Variants in MTHFD2L observed in about 807,000 individuals in gnomAD.
The protein encoded by MTHFD2L is methylenetetrahydrofolate dehydrogenase (NADP+ dependent) 2 like, also known as bifunctional methylenetetrahydrofolate dehydrogenase/cyclohydrolase 2, mitochondrial.
In MTHFD2L, 29 loss-of-function variants were observed where a neutral mutation model predicts 34.9. The ratio of observed to expected loss-of-function variants is 0.83; its 90% CI spans 0.62 to 1.13. The LOEUF is 1.13. MTHFD2L is among the 50% of genes most tolerant of loss of function. The probability of loss-of-function intolerance (pLI) is 0.00; values close to 1 mark genes in which losing one functional copy is unlikely to be tolerated. For missense variants in MTHFD2L, 481 were observed against 446.5 expected (o/e 1.08, Z -0.70); for synonymous variants, 167 against 155.7 (o/e 1.07, Z -0.54).
At chr4:74,264,015 A>G (rs1744997716) in intron 6 of MTHFD2L, among the ~76,000 whole-genome samples, 1 of 152,064 alleles carries the variant, frequency 6.6e-6, no homozygotes, top group Non-Finnish European at 1.5e-5. Flanking sequence ...TCCATTCCTG[A>G]TAAAAAAAAA....
chr4:74,225,395 G>A lies in MTHFD2L; in HGVS notation c.805+1G>A. Reference sequence around the variant, plus strand: ...GCAGATATTATCATAGTTGCTGCAGGTAAGTCCTTAGTGACTGTTATTTTT... The same window carrying A: ...GCAGATATTATCATAGTTGCTGCAGATAAGTCCTTAGTGACTGTTATTTTT... On this transcript the variant is annotated splice_donor_variant, in intron 6 of 7. Transcript: ENST00000325278. LOFTEE classifies it high-confidence loss of function. 6.2e-7 allele frequency: 1 copy of A among 1,611,334 alleles called. No homozygotes were observed. Among genetic ancestry groups the A allele is most frequent in the Admixed American group, 1.7e-5 (1 of 59,858 alleles).
At chr4:74,271,996 T>C (rs1315505795) in intron 6 of MTHFD2L, among the ~76,000 whole-genome samples, 1 of 152,158 alleles carries the variant, frequency 6.6e-6, no homozygotes, top group Admixed American at 6.6e-5. Flanking sequence ...GCTGGATAGA[T>C]GTAGCCCCAA....
At chr4:74,187,761 C>T (rs1018084119) in intron 3 of MTHFD2L, among the ~76,000 whole-genome samples, 2 of 148,140 alleles carry the variant, frequency 1.4e-5, no homozygotes, top group African/African-American at 5.0e-5. Context: ...CACACACACA[C>T]ACACACACAC....
intron 6 of MTHFD2L, among the ~76,000 whole-genome samples, chr4:74,248,075 C>A (rs1220031253): frequency 1.3e-5 from 2 of 151,746 alleles, no homozygotes; most frequent in African/African-American, 2.4e-5. Context: ...CTCCTTGTAC[C>A]TCTGGTAGAA....
intron 6 of MTHFD2L, among the ~76,000 whole-genome samples, chr4:74,229,072 G>T (rs923172096): frequency 1.3e-5 from 2 of 152,170 alleles, no homozygotes; most frequent in East Asian, 1.9e-4. Context: ...GTAGAAGACA[G>T]ATTTGTATGT....
chr4:74,145,313 G>A (rs1723528239), intron 1 of MTHFD2L, among the ~76,000 whole-genome samples: 2 of 152,218 alleles, frequency 1.3e-5, no homozygotes, highest in South Asian at 2.1e-4. Flanking sequence ...ACATTGTATT[G>A]ATATTATAAG....
intron 6 of MTHFD2L, among the ~76,000 whole-genome samples, chr4:74,265,612 T>C (rs1445933889): frequency 6.6e-6 from 1 of 152,218 alleles, no homozygotes; most frequent in East Asian, 1.9e-4. Flanking sequence ...TCCAAGGTTA[T>C]TGAGTTATTA....
chr4:74,192,117 G>C (rs985059536), intron 3 of MTHFD2L, among the ~76,000 whole-genome samples: 3 of 151,992 alleles, frequency 2.0e-5, no homozygotes, highest in Non-Finnish European at 2.9e-5. Context: ...TAGCAGAGGA[G>C]GCGGTTAAAA....
At chr4:74,189,190 T>G (rs1407312870) in intron 3 of MTHFD2L, among the ~76,000 whole-genome samples, 2 of 152,166 alleles carry the variant, frequency 1.3e-5, no homozygotes, top group Non-Finnish European at 2.9e-5. Context: ...ATATTGAGGT[T>G]GTGTCACAAG....
Position 74,259,932 on chromosome 4 carries a change from A to G in MTHFD2L, c.806-21493A>G, listed in dbSNP as rs112791203. The stretch of plus-strand genomic sequence containing the variant: ...GAGCCTAAAATTAGGTGTGATACCA[A>G]TAGAGGTAGAGTAGCATCTTACAGA... On this transcript the variant is annotated intron_variant, in intron 6 of 7. Coordinates refer to ENST00000325278, the MANE Select transcript of MTHFD2L (RefSeq NM_001144978.3). Among the ~76,000 whole-genome samples, 1,268 of 152,314 alleles carry G rather than the reference A, an allele frequency of 8.3e-3. 11 individuals are homozygous for G. The highest frequency in any genetic ancestry group is 0.013 in the Non-Finnish European group (869 of 68,020).
At chr4:74,128,212 G>A (rs1480016795) in intron 1 of MTHFD2L, among the ~76,000 whole-genome samples, 2 of 152,000 alleles carry the variant, frequency 1.3e-5, no homozygotes, top group African/African-American at 2.4e-5. Context: ...TTTGGTGATT[G>A]TTTTTCTTGC....
chr4:74,165,401 C>T (rs886266622), intron 1 of MTHFD2L, among the ~76,000 whole-genome samples: 2 of 152,132 alleles, frequency 1.3e-5, no homozygotes, highest in African/African-American at 4.8e-5. Context: ...CTCTGTCACC[C>T]AGGCTGAGTG....
intron 6 of MTHFD2L, among the ~76,000 whole-genome samples, chr4:74,249,034 C>T (rs1742915777): frequency 6.6e-6 from 1 of 152,128 alleles, no homozygotes; most frequent in Admixed American, 6.6e-5. Flanking sequence ...CCTGGGTATC[C>T]TTGTTAACTT....
chr4:74,121,615 T>TATATATAATTAATTATTTAATTATAC (rs1560397823), upstream of MTHFD2L, among the ~76,000 whole-genome samples: 13 of 145,484 alleles, frequency 8.9e-5, no homozygotes, highest in Non-Finnish European at 3.0e-5. Context: ...ATTATTTAAT[T>TATATATAATTAATTATTTAATTATAC]ATATATAATT....
At chr4:74,168,025 T>C (rs1727120774) in intron 1 of MTHFD2L, among the ~76,000 whole-genome samples, 1 of 150,770 alleles carries the variant, frequency 6.6e-6, no homozygotes, top group Non-Finnish European at 1.5e-5. Context: ...TAACTCCCCA[T>C]GATCCCTTGT....
At chr4:74,270,027 G>C (rs147249241) in intron 6 of MTHFD2L, among the ~76,000 whole-genome samples, 1 of 151,992 alleles carries the variant, frequency 6.6e-6, no homozygotes, top group African/African-American at 2.4e-5. Context: ...TTCTATTTAC[G>C]GACCTAAGGT....
intron 6 of MTHFD2L, among the ~76,000 whole-genome samples, chr4:74,236,538 T>G (rs144176485): frequency 2.1e-3 from 321 of 152,362 alleles, no homozygotes; most frequent in African/African-American, 7.5e-3. Context: ...TGGTATCCAT[T>G]CAACTTCCCT....
At chr4:74,224,795 A>G (rs1353572251) in intron 5 of MTHFD2L, among the ~76,000 whole-genome samples, 1 of 151,894 alleles carries the variant, frequency 6.6e-6, no homozygotes, top group African/African-American at 2.4e-5. Flanking sequence ...TCCTTACCTG[A>G]TTAGAACACT....
chr4:74,251,868 G>C (rs1032183829), intron 6 of MTHFD2L, among the ~76,000 whole-genome samples: 1 of 152,170 alleles, frequency 6.6e-6, no homozygotes, highest in African/African-American at 2.4e-5. Context: ...AGTTGTTCTA[G>C]AAAACAAGAA....
Sources: gnomAD v4.1 joint callset for allele counts (sites outside exome capture counted in the v4.1 genomes callset) on GRCh38, gnomAD v4.1.1 for gene constraint, MANE v1.5 for transcripts, NCBI Gene and HGNC (gene_info 2026-07-23, HGNC 2026-07-21) for gene names.